The following RYR2 variants were observed in gnomAD, a reference collection of about 807,000 sequenced individuals.
The protein encoded by RYR2 is cardiac muscle ryanodine receptor-calcium release channel.
RYR2 carries 227 observed loss-of-function variants against 601.1 expected under a neutral mutation model. The observed-to-expected ratio is 0.38, with a 90% CI of 0.34 to 0.42. The LOEUF is 0.42. Among genes scored for constraint, RYR2 ranks in the 10% least tolerant of loss-of-function variants. RYR2 has a pLI of 1.00. For synonymous variants in RYR2, 2,223 were observed against 2,175.1 expected (o/e 1.02, Z -0.61); for missense variants, 4,646 against 6,156.5 (o/e 0.75, Z 8.21).
chr1:237,654,923 T>C (rs916242815), intron 52 of RYR2, among the ~76,000 whole-genome samples: 1 of 152,242 alleles, frequency 6.6e-6, no homozygotes, highest in Non-Finnish European at 1.5e-5. Flanking sequence ...ATAGTTCATA[T>C]GTTTTCAGAT....
At chr1:237,144,989 C>A (rs1673830148) in intron 1 of RYR2, among the ~76,000 whole-genome samples, 1 of 151,916 alleles carries the variant, frequency 6.6e-6, no homozygotes. Context: ...TCTAAATGAA[C>A]CCTGTAGTTT....
rs1242403140 is a variant in RYR2, at chr1:237,610,370, G to C, written c.4684-392G>C. Among the ~76,000 whole-genome samples, 1 of 152,162 alleles carries C rather than the reference G, an allele frequency of 6.6e-6. No individual in the cohort carries two copies. The highest frequency in any genetic ancestry group is 2.4e-5 in the African/African-American group (1 of 41,434). On this transcript the variant is annotated intron_variant, in intron 35 of 104. Transcript: ENST00000366574. The surrounding 1 kb of genome is among the most constrained non-coding windows in gnomAD (Gnocchi z 4.9). ...AGATATTGAGAGAGAGAGCCAGGGG[G>C]ATGTGACATATCTGTCATTCAGGAA...
intron 1 of RYR2, among the ~76,000 whole-genome samples, chr1:237,263,786 A>G (rs1194677213): frequency 6.6e-6 from 1 of 152,228 alleles, no homozygotes; most frequent in East Asian, 1.9e-4. Flanking sequence ...CCTGTGAGCC[A>G]GCATTCTTAC....
chr1:237,539,265 T>C (rs3766844), intron 25 of RYR2, among the ~76,000 whole-genome samples: 33,461 of 152,266 alleles, frequency 0.22, 3,807 homozygotes, highest in Admixed American at 0.31. Context: ...AAAGCATGTA[T>C]TTCCTGAGTG....
At chr1:237,525,308 G>A (rs369788165) in intron 24 of RYR2, among the ~76,000 whole-genome samples, 23 of 152,128 alleles carry the variant, frequency 1.5e-4, no homozygotes, top group African/African-American at 4.6e-4. Context: ...ATTCTTTTTC[G>A]TGGCTGTATA....
At chr1:237,281,388 A>G (rs759209099) in intron 2 of RYR2, among the ~76,000 whole-genome samples, 1 of 151,996 alleles carries the variant, frequency 6.6e-6, no homozygotes, top group Non-Finnish European at 1.5e-5. Context: ...TATGTTTCTC[A>G]TAAGATGTAG....
At position 237,204,251 on chromosome 1, in the gene RYR2, C is replaced by T. The variant is rs554814218; in HGVS notation, c.49-66246C>T. 1.2e-4 allele frequency among the ~76,000 whole-genome samples: 19 copies of T among 152,294 alleles called. 1 individual carries two copies. In the East Asian group the frequency reaches 3.7e-3, roughly 29 times the overall value. The stretch of plus-strand genomic sequence containing the variant: ...CTCGAACACCTAACCTCAGGTGATC[C>T]ACCCGCCTTGGCTTCCCAAAGTGCT... On this transcript the variant is annotated intron_variant, in intron 1 of 104. Transcript: ENST00000366574.
intron 1 of RYR2, among the ~76,000 whole-genome samples, chr1:237,269,531 TTA>T (rs1689473698): frequency 6.6e-6 from 1 of 152,178 alleles, no homozygotes; most frequent in South Asian, 2.1e-4. Context: ...TACTACTCTG[TTA>T]TGTTTTCTTT....
intron 77 of RYR2, among the ~76,000 whole-genome samples, chr1:237,731,164 A>G (rs930085620): frequency 3.7e-5 from 3 of 81,970 alleles, no homozygotes; most frequent in African/African-American, 1.0e-4. Flanking sequence ...ACTATTGGAT[A>G]TCTTGTGGAA....
rs540187369 is a variant in RYR2 at position 237,131,256 on chromosome 1, A to G, written c.48+88687A>G. On this transcript the variant is annotated intron_variant, in intron 1 of 104. Transcript: ENST00000366574. ...CAAAACTCAAACCCAGTTTAACTGTATACTAGATCAACTCAACTTCTCACA... is the reference window on the plus strand; with the variant it reads ...CAAAACTCAAACCCAGTTTAACTGTGTACTAGATCAACTCAACTTCTCACA... Among the ~76,000 whole-genome samples the G allele has an allele frequency of 1.5e-4, 23 of 152,222 alleles. No individual in the cohort carries two copies. In the South Asian group the frequency reaches 4.3e-3, roughly 29 times the overall value.
chr1:237,777,417 G>A (rs1694755624), intron 87 of RYR2, among the ~76,000 whole-genome samples: 1 of 152,102 alleles, frequency 6.6e-6, no homozygotes, highest in South Asian at 2.1e-4. Flanking sequence ...CCAATCACTT[G>A]TTTCTAGCAT....
intron 29 of RYR2, among the ~76,000 whole-genome samples, chr1:237,572,559 A>T (rs774299242): frequency 7.2e-5 from 11 of 152,196 alleles, no homozygotes; most frequent in Non-Finnish European, 1.6e-4. Flanking sequence ...GAATTTTTAA[A>T]ATTTAAAAAC....
intron 54 of RYR2, 85 bp from the exon 55 acceptor site, chr1:237,659,900 C>T: frequency 1.3e-6 from 1 of 775,594 alleles, no homozygotes; most frequent in Admixed American, 3.4e-5. Context: ...TTTATTTTAT[C>T]AAACACGCAC....
intron 1 of RYR2, among the ~76,000 whole-genome samples, chr1:237,113,931 T>G (rs192476541): frequency 6.6e-6 from 1 of 152,332 alleles, no homozygotes; most frequent in Non-Finnish European, 1.5e-5. Context: ...CTGCTTAGAC[T>G]CCGGCAGAAC....
In RYR2 at chr1:237,654,327, G is replaced by T. The variant is rs1553269593; in HGVS notation, c.7878G>T (p.Gly2626=). 1.9e-6 allele frequency: 3 copies of T among 1,613,968 alleles called. No homozygotes were observed. The highest frequency in any genetic ancestry group is 2.2e-5 in the South Asian group (2 of 91,086). Residue 2626 remains glycine, a synonymous_variant, in exon 52 of 105, where the codon GGG becomes GGT. Coordinates refer to ENST00000366574, the MANE Select transcript of RYR2 (RefSeq NM_001035.3). ...RCWKYYCLPG[G]WGNFGAASEE... Reference sequence around the variant, plus strand: ...GGAAATATTACTGCCTGCCTGGAGGGTGGGGAAACTTTGGTGCTGCCTCAG... The same window carrying T: ...GGAAATATTACTGCCTGCCTGGAGGTTGGGGAAACTTTGGTGCTGCCTCAG...
chr1:237,711,080 T>G (rs1349328751), intron 70 of RYR2, among the ~76,000 whole-genome samples: 1 of 152,210 alleles, frequency 6.6e-6, no homozygotes, highest in Non-Finnish European at 1.5e-5. Flanking sequence ...AAGAAGCGTC[T>G]TTAGATTTAG....
At chr1:237,395,408 G>T (rs959662309) in intron 10 of RYR2, among the ~76,000 whole-genome samples, 2 of 152,146 alleles carry the variant, frequency 1.3e-5, no homozygotes, top group Non-Finnish European at 2.9e-5. Context: ...GGAATTGCAG[G>T]TGAGTAATTG....
chr1:237,409,738 T>A (rs539273293), intron 10 of RYR2, among the ~76,000 whole-genome samples: 1 of 152,274 alleles, frequency 6.6e-6, no homozygotes, highest in South Asian at 2.1e-4. Flanking sequence ...ATTACTTCCC[T>A]GCATTGCAGT....
At position 237,456,729 on chromosome 1, in the gene RYR2, T is replaced by C; in HGVS notation, c.1606T>C (p.Leu536=). The C allele has an allele frequency of 6.2e-7, 1 of 1,613,140 alleles. No individual in the cohort carries two copies. The highest frequency in any genetic ancestry group is 8.5e-7 in the Non-Finnish European group (1 of 1,179,476). The change falls in exon 16 of 105, where the codon TTG becomes CTG. Residue 536 remains leucine (L), a synonymous_variant. Coordinates refer to ENST00000366574, the MANE Select transcript of RYR2 (RefSeq NM_001035.3). Reference sequence around the variant, plus strand: ...ATCCATTCTGAATTCTCTGTATGAGTTGCTGGGTAAGAAGCATGATTGGGT... The same window carrying C: ...ATCCATTCTGAATTCTCTGTATGAGCTGCTGGGTAAGAAGCATGATTGGGT... The part of the protein sequence containing the change: ...WKSILNSLYE[L]LAALIRGNRK...
Sources: allele counts gnomAD v4.1 joint callset (sites outside exome capture counted in the v4.1 genomes callset), GRCh38; gene constraint gnomAD v4.1.1; non-coding constraint Gnocchi (gnomAD v3.1); transcripts MANE v1.5; gene names NCBI Gene and HGNC (gene_info 2026-07-23, HGNC 2026-07-21).